PRIM2: variants seen among roughly 807,000 people sequenced by gnomAD.
PRIM2 encodes the protein DNA primase subunit 2.
In PRIM2, 39 loss-of-function variants were observed where a neutral mutation model predicts 67.3. The ratio of observed to expected loss-of-function variants is 0.58; its 90% CI spans 0.45 to 0.76. The LOEUF is 0.76. Among genes scored for constraint, PRIM2 ranks in the 30% least tolerant of loss-of-function variants. PRIM2 has a pLI of 0.00. For synonymous variants in PRIM2, 143 were observed against 198.7 expected (o/e 0.72, Z 2.36); for missense variants, 398 against 598.7 (o/e 0.66, Z 3.50).
At chr6:57,493,264 T>C (rs1773937152) in intron 7 of PRIM2, among the ~76,000 whole-genome samples, 1 of 152,206 alleles carries the variant, frequency 6.6e-6, no homozygotes, top group Non-Finnish European at 1.5e-5. Flanking sequence ...CACAGCCTAC[T>C]GTTGTAAATG....
the PRIM2 span, among the ~76,000 whole-genome samples, chr6:57,275,752 C>T: frequency 6.6e-6 from 1 of 152,172 alleles, no homozygotes; most frequent in African/African-American, 2.4e-5. Context: ...CCTACAGTGG[C>T]TGGAGAGTGC....
At chr6:57,492,947 G>A (rs1265163619) in intron 7 of PRIM2, among the ~76,000 whole-genome samples, 2 of 152,208 alleles carry the variant, frequency 1.3e-5, no homozygotes, top group Non-Finnish European at 2.9e-5. Flanking sequence ...ATAAAAAGGA[G>A]CATTAATACA....
chr6:57,241,657 T>C, the PRIM2 span, among the ~76,000 whole-genome samples: 1 of 151,740 alleles, frequency 6.6e-6, no homozygotes, highest in African/African-American at 2.4e-5. Context: ...ACTAGATTAC[T>C]GTTTTAATAC....
At chr6:57,330,207 C>G (rs1264525236) in intron 5 of PRIM2, among the ~76,000 whole-genome samples, 1 of 152,078 alleles carries the variant, frequency 6.6e-6, no homozygotes, top group Non-Finnish European at 1.5e-5. Flanking sequence ...TTTTTTGTTA[C>G]ATTTATACCT....
At chr6:57,469,830 A>T (rs1387284269) in intron 7 of PRIM2, among the ~76,000 whole-genome samples, 12 of 152,232 alleles carry the variant, frequency 7.9e-5, no homozygotes, top group Non-Finnish European at 1.2e-4. Flanking sequence ...TGCTATTAAG[A>T]ACCAAGCATA....
upstream of PRIM2, among the ~76,000 whole-genome samples, chr6:57,315,071 G>A (rs1448075160): frequency 6.6e-6 from 1 of 152,184 alleles, no homozygotes; most frequent in Non-Finnish European, 1.5e-5. Context: ...GGTATGTTAA[G>A]CATGAACATA....
intron 7 of PRIM2, among the ~76,000 whole-genome samples, chr6:57,412,728 C>G (rs984348): frequency 0.68 from 102,837 of 151,574 alleles, 34,927 homozygotes; most frequent in South Asian, 0.73. Context: ...GACAAGTCAC[C>G]CAGAAGAGTT....
intron 7 of PRIM2, among the ~76,000 whole-genome samples, chr6:57,499,428 C>T (rs1437238173): frequency 2.4e-4 from 37 of 152,152 alleles, no homozygotes; most frequent in Non-Finnish European, 1.9e-4. Flanking sequence ...AAACCCTAGC[C>T]GACCTCCTCC....
chr6:57,403,647 G>A (rs1317744915), intron 7 of PRIM2, among the ~76,000 whole-genome samples: 1 of 151,892 alleles, frequency 6.6e-6, no homozygotes, highest in African/African-American at 2.4e-5. Flanking sequence ...TCATAATTAT[G>A]GAAAATATTG....
chr6:57,581,107 C>T (rs1175686972), intron 10 of PRIM2, among the ~76,000 whole-genome samples: 2 of 152,136 alleles, frequency 1.3e-5, no homozygotes, highest in Non-Finnish European at 2.9e-5. Flanking sequence ...GAAGAAAAGG[C>T]AGCTTCTCTC....
chr6:57,626,726 G>A (rs2127498232), intron 12 of PRIM2, among the ~76,000 whole-genome samples: 1 of 151,692 alleles, frequency 6.6e-6, no homozygotes, highest in East Asian at 2.0e-4. Context: ...CCCGACTCAA[G>A]CGAACCTCCC....
intron 10 of PRIM2, among the ~76,000 whole-genome samples, chr6:57,539,693 AT>A (rs1775102084): frequency 6.7e-6 from 1 of 149,616 alleles, no homozygotes; most frequent in Non-Finnish European, 1.5e-5. Flanking sequence ...AGGAAATAAA[AT>A]TATAAGAAAC....
At chr6:57,641,048 C>G (rs1777224218) in intron 13 of PRIM2, among the ~76,000 whole-genome samples, 2 of 151,906 alleles carry the variant, frequency 1.3e-5, no homozygotes, top group African/African-American at 4.8e-5. Context: ...GATATATAGA[C>G]CAATGGAACA....
intron 12 of PRIM2, among the ~76,000 whole-genome samples, chr6:57,620,468 C>G (rs1200756106): frequency 6.6e-6 from 1 of 152,102 alleles, no homozygotes; most frequent in Admixed American, 6.5e-5. Context: ...AAACTAAGCA[C>G]CACATATGAA....
Position 57,364,444 on chromosome 6 carries a change from G to A in PRIM2, c.460-15457G>A, listed in dbSNP as rs529262696. On this transcript the variant is annotated intron_variant, in intron 5 of 13. Transcript: ENST00000615550. ...TTAAGTCAAGGACACTTTTTAAACC[G>A]TATTTAGGATTGTGTCTCTGGCCCA... Among the ~76,000 whole-genome samples, 8 of 152,274 alleles carry A rather than the reference G, an allele frequency of 5.3e-5. No individual in the cohort carries two copies. In the South Asian group the frequency reaches 1.0e-3, roughly 20 times the overall value.
the PRIM2 span, among the ~76,000 whole-genome samples, chr6:57,270,062 C>T: frequency 2.6e-5 from 4 of 152,034 alleles, no homozygotes; most frequent in Non-Finnish European, 5.9e-5. Context: ...AGTCAGGTAG[C>T]ATGATGCCTC....
At chr6:57,451,487 C>T (rs879572173) in intron 7 of PRIM2, among the ~76,000 whole-genome samples, 1,619 of 152,160 alleles carry the variant, frequency 0.011, 15 homozygotes, top group Non-Finnish European at 0.016. Flanking sequence ...AATCTTTATT[C>T]GATAATTGGA....
intron 11 of PRIM2, among the ~76,000 whole-genome samples, chr6:57,603,719 A>G (rs1248466448): frequency 6.6e-6 from 1 of 151,416 alleles, no homozygotes; most frequent in African/African-American, 2.4e-5. Context: ...TTCTGTGAAA[A>G]ATGACATTGG....
intron 7 of PRIM2, among the ~76,000 whole-genome samples, chr6:57,443,566 A>C (rs1399655135): frequency 1.3e-5 from 2 of 152,138 alleles, no homozygotes; most frequent in East Asian, 3.8e-4. Flanking sequence ...TTGACAAATA[A>C]TGTCTATTCT....
Sources: gnomAD v4.1 joint callset for allele counts (sites outside exome capture counted in the v4.1 genomes callset) on GRCh38, gnomAD v4.1.1 for gene constraint, MANE v1.5 for transcripts, NCBI Gene and HGNC (gene_info 2026-07-23, HGNC 2026-07-21) for gene names.